Variants in MAMLD1 observed in about 807,000 individuals in gnomAD.
The protein encoded by MAMLD1 is mastermind like domain containing 1.
MAMLD1 carries 14 observed loss-of-function variants against 45.0 expected under a neutral mutation model. That is an observed-to-expected ratio of 0.31 (90% CI 0.21 to 0.49). The LOEUF is 0.49. MAMLD1 is among the 20% of genes least tolerant of loss of function. MAMLD1 has a pLI of 0.99. For missense variants in MAMLD1, 543 were observed against 603.6 expected, an observed-to-expected ratio of 0.90 and a Z score of 1.05; for synonymous variants, 254 against 247.8, an observed-to-expected ratio of 1.02 and a Z score of -0.24.
chrX:150,432,149 T>C (rs1438737283), intron 1 of MAMLD1, among the ~76,000 whole-genome samples: 1 of 111,517 alleles, frequency 9.0e-6, no homozygotes, highest in Non-Finnish European at 1.9e-5. Context: ...CTCATTGTGA[T>C]ATTGATTTGC....
intron 5 of MAMLD1, among the ~76,000 whole-genome samples, chrX:150,482,351 G>C (rs929553884): frequency 6.2e-5 from 7 of 112,040 alleles, no homozygotes; most frequent in Non-Finnish European, 1.3e-4. Context: ...GAGTGACAGG[G>C]GCTAGGGGAG....
chrX:150,471,100 C>T lies in MAMLD1; in HGVS notation c.1527C>T (p.Pro509=). Residue 509 remains proline (P), a synonymous_variant, in exon 4 of 8, where the codon CCC becomes CCT. Transcript: ENST00000370401. ...AGCAAGCAAATGTGATCTTTAAGCC[C>T]ATAAGCAGCAACTCATCCAAAACCC... ...QQQQANVIFK[P]ISSNSSKTLS... is the part of the protein sequence containing the mutation. 8.3e-7 allele frequency: 1 copy of T among 1,210,754 alleles called. No homozygotes were observed. The highest frequency in any genetic ancestry group is 1.8e-5 in the South Asian group (1 of 56,930).
chrX:150,494,135 C>A (rs2037281121), intron 5 of MAMLD1, among the ~76,000 whole-genome samples: 1 of 112,054 alleles, frequency 8.9e-6, no homozygotes, highest in South Asian at 3.7e-4. Context: ...GTGGCTCAAG[C>A]CTGTAATCCC....
At chrX:150,393,502 G>A (rs368559088) in intron 1 of MAMLD1, among the ~76,000 whole-genome samples, 6 of 112,152 alleles carry the variant, frequency 5.3e-5, no homozygotes, top group East Asian at 2.8e-4. Flanking sequence ...AGTATGTTTC[G>A]TTTTGTAAGA....
chrX:150,450,955 C>T (rs2035644339), intron 2 of MAMLD1, among the ~76,000 whole-genome samples: 1 of 112,969 alleles, frequency 8.9e-6, no homozygotes, highest in African/African-American at 3.2e-5. Flanking sequence ...GGGCTCCTTC[C>T]TGTTCCAGAC....
chrX:150,476,737 G>C (rs1052132033), intron 5 of MAMLD1, among the ~76,000 whole-genome samples: 8 of 113,077 alleles, frequency 7.1e-5, no homozygotes, highest in African/African-American at 2.6e-4. Context: ...AGAGAAGGGG[G>C]AATCAAACCT....
chrX:150,509,831 G>A (rs1336942452), intron 6 of MAMLD1, 131 bp from the exon 7 acceptor site: 1 of 544,769 alleles, frequency 1.8e-6, no homozygotes, highest in African/African-American at 2.3e-5. Context: ...ATGCATGCGA[G>A]TGTATGCTGG....
intron 1 of MAMLD1, among the ~76,000 whole-genome samples, chrX:150,427,380 C>T (rs1404535019): frequency 5.3e-5 from 6 of 112,423 alleles, no homozygotes; most frequent in African/African-American, 1.9e-4. Context: ...TCTGCAAGCT[C>T]ATTTGAAAGC....
At chrX:150,376,459 C>T (rs2032320033) in intron 1 of MAMLD1, among the ~76,000 whole-genome samples, 1 of 110,917 alleles carries the variant, frequency 9.0e-6, no homozygotes, top group Non-Finnish European at 1.9e-5. Flanking sequence ...CCCAGGCTTC[C>T]CTGGCAAGCT....
At chrX:150,456,294 T>C (rs1557405334) in intron 2 of MAMLD1, among the ~76,000 whole-genome samples, 2 of 110,618 alleles carry the variant, frequency 1.8e-5, no homozygotes, top group Admixed American at 1.9e-4. Flanking sequence ...TGCCACTATC[T>C]ATATGACTTT....
intron 1 of MAMLD1, among the ~76,000 whole-genome samples, chrX:150,400,707 T>C (rs1376875368): frequency 9.0e-6 from 1 of 111,087 alleles, no homozygotes; most frequent in Non-Finnish European, 1.9e-5. Context: ...CTGCATCTAT[T>C]GAGATAATCA....
chrX:150,510,591 T>C (rs782268197), intron 7 of MAMLD1, among the ~76,000 whole-genome samples: 2 of 112,461 alleles, frequency 1.8e-5, no homozygotes, highest in South Asian at 7.4e-4. Context: ...TCAACATTTA[T>C]TGGCCTAGGA....
chrX:150,399,303 T>A (rs1307918494), intron 1 of MAMLD1, among the ~76,000 whole-genome samples: 1 of 111,743 alleles, frequency 8.9e-6, no homozygotes, highest in Non-Finnish European at 1.9e-5. Flanking sequence ...ATTTGAATGA[T>A]GTGTCACTCA....
At chrX:150,364,396 G>A (rs782771703) in intron 1 of MAMLD1, among the ~76,000 whole-genome samples, 35 of 113,206 alleles carry the variant, frequency 3.1e-4, no homozygotes, top group Non-Finnish European at 6.2e-4. Context: ...ACACTAATAG[G>A]ATTAGCCTGC....
intron 1 of MAMLD1, among the ~76,000 whole-genome samples, chrX:150,421,635 A>G (rs1029819559): frequency 8.9e-6 from 1 of 112,268 alleles, no homozygotes; most frequent in African/African-American, 3.2e-5. Context: ...CTATAGGGAC[A>G]TCCCCTCAAA....
intron 1 of MAMLD1, among the ~76,000 whole-genome samples, chrX:150,442,042 C>T (rs943656789): frequency 5.6e-5 from 6 of 107,837 alleles, no homozygotes; most frequent in Admixed American, 9.8e-5. Context: ...CCCTATCTGT[C>T]GCTGGTATTT....
intron 3 of MAMLD1, among the ~76,000 whole-genome samples, chrX:150,468,608 G>A (rs2036298959): frequency 1.8e-5 from 2 of 110,700 alleles, no homozygotes; most frequent in African/African-American, 3.3e-5. Context: ...ACACAACAGC[G>A]ATGGATGACT....
At chrX:150,383,984 A>T (rs2032795592) in intron 1 of MAMLD1, among the ~76,000 whole-genome samples, 1 of 111,718 alleles carries the variant, frequency 9.0e-6, no homozygotes, top group Non-Finnish European at 1.9e-5. Flanking sequence ...ATTATTTGTG[A>T]TACACCATAT....
intron 1 of MAMLD1, among the ~76,000 whole-genome samples, chrX:150,429,198 A>G (rs1267974240): frequency 5.5e-5 from 6 of 109,486 alleles, no homozygotes; most frequent in African/African-American, 2.0e-4. Context: ...TTTTATCTTT[A>G]CTGGGATGTC....
Sources: gnomAD v4.1 joint callset for allele counts (sites outside exome capture counted in the v4.1 genomes callset) on GRCh38, gnomAD v4.1.1 for gene constraint, MANE v1.5 for transcripts, NCBI Gene and HGNC (gene_info 2026-07-23, HGNC 2026-07-21) for gene names.